Variants in TH observed in about 807,000 individuals in gnomAD.
The protein encoded by TH is tyrosine 3-monooxygenase.
A neutral mutation model predicts 57.4 loss-of-function variants in TH; 49 were observed. That is an observed-to-expected ratio of 0.85 (90% CI 0.68 to 1.08). TH has a LOEUF of 1.08. TH is among the 50% of genes least tolerant of loss of function. The probability of loss-of-function intolerance (pLI) is 0.00; values close to 1 mark genes in which losing one functional copy is unlikely to be tolerated. For synonymous variants in TH, 330 were observed against 304.5 expected (o/e 1.08, Z -0.87); for missense variants, 720 against 696.7 (o/e 1.03, Z -0.38).
rs557339659 is a variant in TH at position 2,163,962 on chromosome 11, T to C, written c.*271A>G. 4.1e-4 allele frequency: 139 copies of C among 341,014 alleles called. 1 individual carries two copies. The highest frequency in any genetic ancestry group is 2.2e-3 in the African/African-American group (103 of 47,340). 21.1% of individuals were successfully genotyped at this position (341,014 alleles called of 1,614,324 possible). A position where few individuals can be genotyped will look rare whatever the true frequency, so the allele number is the denominator to read the frequency against. On this transcript the variant is annotated 3_prime_UTR_variant, in exon 13 of 13. Transcript: ENST00000352909. ...ACAGTTTCTTTTATTGTGACGGTGA[T>C]TGGGGCAGCAGACAGTGTCAGGGAA... is the stretch of plus-strand genomic sequence containing the variant.
chr11:2,169,748 C>T lies in TH; in HGVS notation c.214G>A (p.Ala72Thr). Residue 72 changes from alanine (A) to threonine (T), a missense_variant, in exon 2 of 13, where the codon GCC (alanine) becomes ACC (threonine). Physicochemically the swap from Ala to Thr is moderately conservative, Grantham distance 58. Transcript: ENST00000352909. ...SEPGDPLEAVAFEEKEGKAVL... is the reference protein window; with the variant it reads ...SEPGDPLEAVTFEEKEGKAVL... ...GCCTTCCCCTCCTTCTCCTCAAAGGCCACAGCCTCCAGGGGGTCCCCGGGC... is the reference window on the plus strand; with the variant it reads ...GCCTTCCCCTCCTTCTCCTCAAAGGTCACAGCCTCCAGGGGGTCCCCGGGC... The T allele has an allele frequency of 6.2e-7, 1 of 1,612,672 alleles. No individual in the cohort carries two copies. The highest frequency in any genetic ancestry group is 1.3e-5 in the African/African-American group (1 of 75,054).
rs753632777 is a variant in TH at position 2,164,237 on chromosome 11, C to T, written c.1490G>A (p.Gly497Asp). ...DTLAHALSAI[G>D] ...GCCCTCAGGGACGCCGTGCACCTAG[C>T]CAATGGCACTCAGCGCATGGGCAAG... The change falls in exon 13 of 13, where the codon GGC (glycine) becomes GAC (aspartate). Residue 497 changes from glycine (G) to aspartate (D), a missense_variant. Coordinates refer to ENST00000352909, the MANE Select transcript of TH (RefSeq NM_000360.4). 7.5e-6 allele frequency: 11 copies of T among 1,460,946 alleles called. No homozygotes were observed. In the East Asian group the frequency reaches 1.8e-4, roughly 24 times the overall value. The allele number at this position is 1,460,946 out of a possible 1,614,324, so 90.5% of individuals were successfully genotyped here.
At chr11:2,169,295 C>T (rs553231888) in intron 2 of TH, among the ~76,000 whole-genome samples, 126 of 152,000 alleles carry the variant, frequency 8.3e-4, no homozygotes, top group Non-Finnish European at 1.5e-3. Context: ...AGCCACTGTG[C>T]TGGGTGGGTG....
At chr11:2,166,832 G>A (rs1846106148) in intron 7 of TH, 55 bp downstream of exon 7, 9 of 1,569,196 alleles carry the variant, frequency 5.7e-6, no homozygotes, top group Non-Finnish European at 7.8e-6. Context: ...GGGGTGGGGC[G>A]CTTGGCTGAC....
intron 5 of TH, 35 bp from the exon 6 acceptor site, chr11:2,167,520 G>T: frequency 1.3e-6 from 2 of 1,550,312 alleles, no homozygotes; most frequent in Non-Finnish European, 1.7e-6. Flanking sequence ...AGGTCCCCTC[G>T]GGGAGTGAGA....
At chr11:2,168,444 C>A in intron 3 of TH, 47 bp downstream of exon 3, 1 of 1,609,184 alleles carries the variant, frequency 6.2e-7, no homozygotes, top group Non-Finnish European at 8.5e-7. Context: ...TGCACCCCAG[C>A]CTCTCAAGGT....
At position 2,167,444 on chromosome 11, in the gene TH, A is replaced by G. The variant is rs1422203629; in HGVS notation, c.686T>C (p.Ile229Thr). The change falls in exon 6 of 13, where the codon ATT (isoleucine) becomes ACT (threonine). Residue 229 changes from isoleucine to threonine, a missense_variant. Ile to Thr is a moderately conservative substitution (Grantham distance 89, BLOSUM62 -1). Coordinates refer to ENST00000352909, the MANE Select transcript of TH (RefSeq NM_000360.4). Reference sequence around the variant, plus strand: ...TGCACGGAGGTCTCACCAGGTGGCAATCTCCTCGGCGGTGTACTCCACACG... The same window carrying G: ...TGCACGGAGGTCTCACCAGGTGGCAGTCTCCTCGGCGGTGTACTCCACACG... The part of the protein sequence containing the change: ...IPRVEYTAEE[I>T]ATWKEVYTTL... 3.2e-6 allele frequency: 5 copies of G among 1,562,712 alleles called. No individual in the cohort carries two copies. Among genetic ancestry groups the G allele is most frequent in the East Asian group, 2.4e-5 (1 of 42,382 alleles).
At position 2,166,979 on chromosome 11, in the gene TH, T is replaced by A. The variant is rs878855309; in HGVS notation, c.749A>T (p.Glu250Val). 7 of 1,592,932 alleles carry A rather than the reference T, an allele frequency of 4.4e-6. No homozygotes were observed. The highest frequency in any genetic ancestry group is 6.0e-6 in the Non-Finnish European group (7 of 1,170,444). The change falls in exon 7 of 13, where the codon GAG (glutamate) becomes GTG (valine). Residue 250 changes from glutamate to valine, a missense_variant. Glu to Val is a moderately radical substitution (Grantham distance 121). Transcript: ENST00000352909. ...KGLYATHACGEHLEAFALLER... is the reference protein window; with the variant it reads ...KGLYATHACGVHLEAFALLER... ...CAGCAAAGCAAAGGCCTCCAGGTGC[T>A]CCCCGCAGGCGTGCGTGGCGTAGAG... is the stretch of plus-strand genomic sequence containing the variant.
rs2133693561 is a variant in TH, at chr11:2,166,939, GC to G, written c.788del (p.Gly263AlafsTer17). On this transcript the variant is annotated frameshift_variant, in exon 7 of 13. Coordinates refer to ENST00000352909, the MANE Select transcript of TH (RefSeq NM_000360.4). LOFTEE classifies it high-confidence loss of function. ...EAFALLERFS[G>X]YREDNIPQLE... ...GCTGGGGGATATTGTCTTCCCGGTA[GC>G]CGCTGAAGCGCTCCAGCAAAGCAAA... 3 of 1,599,816 alleles carry G rather than the reference GC, an allele frequency of 1.9e-6. No individual in the cohort carries two copies. Among genetic ancestry groups the G allele is most frequent in the Non-Finnish European group, 2.6e-6 (3 of 1,174,296 alleles).
At position 2,170,852 on chromosome 11, in the gene TH, C is replaced by A. The variant is rs1448578173; in HGVS notation, c.90+845G>T. On this transcript the variant is annotated intron_variant, in intron 1 of 12. Coordinates refer to ENST00000352909, the MANE Select transcript of TH (RefSeq NM_000360.4). The surrounding 1 kb of genome is among the most constrained non-coding windows in gnomAD (Gnocchi z 6.0). ...GAGGACGGGGGAGGGCGCCCTGTGT[C>A]CCTGAGAAGGTACCTGGAAATGACA... 1 of 655,258 alleles carries A rather than the reference C, an allele frequency of 1.5e-6. No homozygotes were observed. Among genetic ancestry groups the A allele is most frequent in the Non-Finnish European group, 2.6e-6 (1 of 379,530 alleles). 40.6% of individuals were successfully genotyped at this position (655,258 alleles called of 1,614,324 possible). A position where few individuals can be genotyped will look rare whatever the true frequency, so the allele number is the denominator to read the frequency against.
At chr11:2,164,508 C>T in intron 12 of TH, 116 bp from the exon 13 acceptor site, 1 of 1,225,620 alleles carries the variant, frequency 8.2e-7, no homozygotes, top group South Asian at 1.6e-5. Context: ...GCTCCCAGGG[C>T]TTTTCTGAGC....
chr11:2,167,491 G>T lies in TH; in HGVS notation c.645-6C>A, dbSNP rs549917462. Reference sequence around the variant, plus strand: ...CACGGGGAATCGGGTCGCCGCTGGGGAGGGGGCCAGTGGTCAGCAGGTCCC... The same window carrying T: ...CACGGGGAATCGGGTCGCCGCTGGGTAGGGGGCCAGTGGTCAGCAGGTCCC... On this transcript the variant is annotated splice_polypyrimidine_tract_variant and splice_region_variant and intron_variant, in intron 5 of 12. Coordinates refer to ENST00000352909, the MANE Select transcript of TH (RefSeq NM_000360.4). The T allele has an allele frequency of 1.3e-6, 2 of 1,557,198 alleles. No homozygotes were observed. Among genetic ancestry groups the T allele is most frequent in the East Asian group, 2.4e-5 (1 of 41,872 alleles).
At position 2,170,010 on chromosome 11, in the gene TH, G is replaced by A. The variant is rs902336999; in HGVS notation, c.91-139C>T. 2.6e-5 allele frequency: 23 copies of A among 895,856 alleles called. No individual in the cohort carries two copies. The African/African-American group carries it at 2.8e-4, about 11-fold the overall frequency. The allele number at this position is 895,856 out of a possible 1,614,324, so 55.5% of individuals were successfully genotyped here. On this transcript the variant is annotated intron_variant, in intron 1 of 12. Coordinates refer to ENST00000352909, the MANE Select transcript of TH (RefSeq NM_000360.4). This position sits in a 1 kb window ranked among gnomAD's most constrained non-coding sequence, Gnocchi z 6.0. ...GAGCACGTTTTTGAGCGCCTACTGT[G>A]TGCCTGCTGGGGCAGATGCTAGCCG...
chr11:2,165,640 G>C (rs757910269), intron 11 of TH, 28 bp downstream of exon 11: 49 of 1,608,232 alleles, frequency 3.0e-5, no homozygotes, highest in Non-Finnish European at 4.2e-5. Flanking sequence ...CCCCTCTGCT[G>C]GGGGCTGCAG....
chr11:2,168,270 C>T (rs1185428826), intron 3 of TH, 91 bp from the exon 4 acceptor site: 28 of 1,470,530 alleles, frequency 1.9e-5, no homozygotes, highest in East Asian at 1.1e-4. Flanking sequence ...ACAAGACTTC[C>T]GGGGGGCAGA....
chr11:2,170,266 G>A lies in TH; in HGVS notation c.91-395C>T, dbSNP rs147508983. Among the ~76,000 whole-genome samples, 6 of 152,090 alleles carry A rather than the reference G, an allele frequency of 3.9e-5. No individual in the cohort carries two copies. Among genetic ancestry groups the A allele is most frequent in the South Asian group, 2.1e-4 (1 of 4,832 alleles). On this transcript the variant is annotated intron_variant, in intron 1 of 12. Transcript: ENST00000352909. The surrounding 1 kb of genome is among the most constrained non-coding windows in gnomAD (Gnocchi z 6.0). ...TGGCATCGGCTGCCGGGGAGGGAAC[G>A]GCAGCTCAGGAAGGAGCTGCCCCCA... is the stretch of plus-strand genomic sequence containing the variant.
At chr11:2,168,405 T>C in intron 3 of TH, 86 bp downstream of exon 3, 1 of 1,559,338 alleles carries the variant, frequency 6.4e-7, no homozygotes, top group Middle Eastern at 1.9e-4. Flanking sequence ...CACCACGTGG[T>C]CACTGTAGGG....
intron 3 of TH, 50 bp downstream of exon 3, chr11:2,168,441 C>T (rs1477565369): frequency 2.5e-6 from 4 of 1,608,584 alleles, no homozygotes; most frequent in South Asian, 1.1e-5. Flanking sequence ...CCCTGCACCC[C>T]AGCCTCTCAA....
At chr11:2,168,949 C>A (rs1261089576) in intron 2 of TH, among the ~76,000 whole-genome samples, 5 of 152,184 alleles carry the variant, frequency 3.3e-5, no homozygotes, top group Non-Finnish European at 7.3e-5. Flanking sequence ...GTGTGTGTCC[C>A]AAGGCCATGC....
Sources: gnomAD v4.1 joint callset for allele counts (sites outside exome capture counted in the v4.1 genomes callset) on GRCh38, gnomAD v4.1.1 for gene constraint, Gnocchi (gnomAD v3.1) non-coding constraint, MANE v1.5 for transcripts, NCBI Gene and HGNC (gene_info 2026-07-23, HGNC 2026-07-21) for gene names.